The following DPY19L3 variants were observed in gnomAD, a reference collection of about 807,000 sequenced individuals.
DPY19L3 encodes the protein dpy-19 like C-mannosyltransferase 3.
A neutral mutation model predicts 92.3 loss-of-function variants in DPY19L3; 51 were observed. The observed-to-expected ratio is 0.55, with a 90% CI of 0.44 to 0.70. The LOEUF is 0.70. Ranked by LOEUF, DPY19L3 falls within the 30% of genes least tolerant of loss-of-function variation. DPY19L3 has a pLI of 0.00. For synonymous variants in DPY19L3, 309 were observed against 315.2 expected, an observed-to-expected ratio of 0.98 and a Z score of 0.21; for missense variants, 706 against 855.9, an observed-to-expected ratio of 0.82 and a Z score of 2.18.
chr19:32,451,180 G>A (rs1201027077), intron 8 of DPY19L3, among the ~76,000 whole-genome samples: 2 of 152,148 alleles, frequency 1.3e-5, no homozygotes, highest in Non-Finnish European at 2.9e-5. Context: ...GGCATATGGT[G>A]GAATGTTACA....
In DPY19L3 at chr19:32,454,984, T is replaced by C; in HGVS notation, c.1033T>C (p.Leu345=). 1 of 1,574,518 alleles carries C rather than the reference T, an allele frequency of 6.4e-7. No individual in the cohort carries two copies. The highest frequency in any genetic ancestry group is 1.2e-5 in the South Asian group (1 of 82,754). Residue 345 remains leucine (L), a synonymous_variant, in exon 10 of 19, where the codon TTG becomes CTG. Coordinates refer to ENST00000392250, the MANE Select transcript of DPY19L3 (RefSeq NM_001172774.2). ...CTTCCTTAATAGGCTTGGGAAACTTTTGTTACATTTATTTATGGTTTTATG... is the reference window on the plus strand; with the variant it reads ...CTTCCTTAATAGGCTTGGGAAACTTCTGTTACATTTATTTATGGTTTTATG... ...GSFLNRLGKL[L]LHLFMVLCLT...
chr19:32,463,358 T>A lies in DPY19L3; in HGVS notation c.1323-8T>A, dbSNP rs1599661327. 1.2e-6 allele frequency: 2 copies of A among 1,613,202 alleles called. No individual in the cohort carries two copies. Among genetic ancestry groups the A allele is most frequent in the Non-Finnish European group, 1.7e-6 (2 of 1,179,556 alleles). ...AGCTTAAATTTTGTATGTTGCTGTT[T>A]TACTCAGTGATTCTACAAATCAACA... On this transcript the variant is annotated splice_polypyrimidine_tract_variant and splice_region_variant and intron_variant, in intron 12 of 18. Transcript: ENST00000392250.
intron 5 of DPY19L3, among the ~76,000 whole-genome samples, chr19:32,436,936 TCAGA>T (rs1304392262): frequency 5.3e-5 from 8 of 151,854 alleles, no homozygotes; most frequent in Admixed American, 3.3e-4. Flanking sequence ...TGACGTATCA[TCAGA>T]CAAAGTTAGG....
chr19:32,461,951 T>C (rs920124507), intron 12 of DPY19L3, among the ~76,000 whole-genome samples: 14 of 152,336 alleles, frequency 9.2e-5, no homozygotes, highest in African/African-American at 2.4e-4. Context: ...TGTGGAAATA[T>C]GTTTCAAGTC....
At chr19:32,452,503 C>G (rs1969734610) in intron 8 of DPY19L3, among the ~76,000 whole-genome samples, 1 of 152,158 alleles carries the variant, frequency 6.6e-6, no homozygotes, top group Admixed American at 6.6e-5. Flanking sequence ...TAAACAGTAA[C>G]TGAAATCATT....
intron 12 of DPY19L3, among the ~76,000 whole-genome samples, chr19:32,461,042 T>A (rs182277416): frequency 6.1e-4 from 93 of 152,294 alleles, no homozygotes; most frequent in African/African-American, 2.2e-3. Flanking sequence ...ATTTTTGTAT[T>A]TTTAGTAGAA....
intron 8 of DPY19L3, among the ~76,000 whole-genome samples, chr19:32,444,406 TG>T (rs1969421549): frequency 6.6e-6 from 1 of 151,942 alleles, no homozygotes; most frequent in Non-Finnish European, 1.5e-5. Flanking sequence ...TTACCTAATC[TG>T]AACAACAAGA....
intron 4 of DPY19L3, among the ~76,000 whole-genome samples, chr19:32,434,131 C>T (rs1969059564): frequency 6.6e-6 from 1 of 152,108 alleles, no homozygotes; most frequent in Admixed American, 6.6e-5. Flanking sequence ...TCTTTTACTT[C>T]CTAAAATGTA....
chr19:32,428,767 G>A (rs1968855052), intron 3 of DPY19L3, among the ~76,000 whole-genome samples: 1 of 151,402 alleles, frequency 6.6e-6, no homozygotes, highest in South Asian at 2.1e-4. Flanking sequence ...TTGTGTGTGT[G>A]TACATCTATT....
intron 3 of DPY19L3, among the ~76,000 whole-genome samples, chr19:32,432,331 G>A (rs1194913948): frequency 6.6e-6 from 1 of 152,034 alleles, no homozygotes; most frequent in African/African-American, 2.4e-5. Flanking sequence ...TTTATTCTTA[G>A]AATAAAATGA....
intron 16 of DPY19L3, among the ~76,000 whole-genome samples, chr19:32,473,923 C>A (rs1197819152): frequency 6.6e-6 from 1 of 152,202 alleles, no homozygotes; most frequent in Non-Finnish European, 1.5e-5. Context: ...CCTGCCTCAG[C>A]CTCCCAGGTA....
At chr19:32,469,050 C>A in intron 16 of DPY19L3, 1 of 274,868 alleles carries the variant, frequency 3.6e-6, no homozygotes, top group South Asian at 1.5e-4. Flanking sequence ...AGAGGAAAAC[C>A]GATTCAATAA....
chr19:32,428,453 T>C (rs1016379316), intron 3 of DPY19L3, among the ~76,000 whole-genome samples: 2 of 151,552 alleles, frequency 1.3e-5, no homozygotes, highest in African/African-American at 4.9e-5. Context: ...ACATCATGGG[T>C]GAGTAGGAAT....
At chr19:32,447,816 TTAGATAGATAGATAGA>T (rs1555721981) in intron 8 of DPY19L3, among the ~76,000 whole-genome samples, 13 of 89,916 alleles carry the variant, frequency 1.4e-4, no homozygotes, top group Admixed American at 3.8e-4. Flanking sequence ...GATAGATAGA[TTAGATAGATAGATAGA>T]TAGATAGATA....
In DPY19L3 at chr19:32,484,664, C is replaced by T. The variant is rs1970754265; in HGVS notation, c.*2424C>T. On this transcript the variant is annotated 3_prime_UTR_variant, in exon 19 of 19. Transcript: ENST00000392250. ...CCACCTGCCACAGCACAGCTGGAGG[C>T]TGTTCTCTGGTGTTCTCAGCGCTCC... 6.6e-6 allele frequency: 1 copy of T among 152,234 alleles called. No homozygotes were observed. The highest frequency in any genetic ancestry group is 1.5e-5 in the Non-Finnish European group (1 of 68,074). The allele number at this position is 152,234 out of a possible 1,614,324, so 9.4% of individuals were successfully genotyped here. A position where few individuals can be genotyped will look rare whatever the true frequency, so the allele number is the denominator to read the frequency against.
intron 15 of DPY19L3, chr19:32,468,094 G>C (rs1970250630): frequency 3.0e-6 from 3 of 984,922 alleles, no homozygotes; most frequent in Non-Finnish European, 3.6e-6. Flanking sequence ...TGAAAAGGGG[G>C]CTGGATTTGG....
At chr19:32,424,741 T>C (rs1234847368) in intron 3 of DPY19L3, among the ~76,000 whole-genome samples, 1 of 152,180 alleles carries the variant, frequency 6.6e-6, no homozygotes, top group Non-Finnish European at 1.5e-5. Flanking sequence ...AGTCCTAAAA[T>C]GTATATGGAA....
At chr19:32,431,293 G>A (rs987710998) in intron 3 of DPY19L3, among the ~76,000 whole-genome samples, 1 of 151,766 alleles carries the variant, frequency 6.6e-6, no homozygotes, top group Non-Finnish European at 1.5e-5. Context: ...CAGGACAATC[G>A]CTTGAACCTG....
chr19:32,413,761 C>T (rs1968280241), intron 3 of DPY19L3, among the ~76,000 whole-genome samples: 1 of 151,848 alleles, frequency 6.6e-6, no homozygotes, highest in Non-Finnish European at 1.5e-5. Context: ...TTTCTCTGTC[C>T]CCAGGCTGGA....
Sources: gnomAD v4.1 joint callset for allele counts (sites outside exome capture counted in the v4.1 genomes callset) on GRCh38, gnomAD v4.1.1 for gene constraint, MANE v1.5 for transcripts, NCBI Gene and HGNC (gene_info 2026-07-23, HGNC 2026-07-21) for gene names.